The following CRACD variants were observed in gnomAD, a reference collection of about 807,000 sequenced individuals.
CRACD encodes capping protein inhibiting regulator of actin dynamics, also known as capping protein-inhibiting regulator of actin dynamics.
Under a neutral mutation model 106.8 loss-of-function variants are expected in CRACD, and 56 were observed. That is an observed-to-expected ratio of 0.52 (90% confidence interval 0.42 to 0.66). CRACD has a LOEUF of 0.66. Ranked by LOEUF, CRACD falls within the 30% of genes least tolerant of loss-of-function variation. The pLI is 0.00. For missense variants in CRACD, 1,730 were observed against 1,623.2 expected, an observed-to-expected ratio of 1.07 and a Z score of -1.13; for synonymous variants, 754 against 670.8, an observed-to-expected ratio of 1.12 and a Z score of -1.92.
chr4:56,236,989 C>A (rs6813159), intron 2 of CRACD, among the ~76,000 whole-genome samples: 96,473 of 152,020 alleles, frequency 0.63, 30,856 homozygotes, highest in East Asian at 0.86. Flanking sequence ...GTAATTTAGC[C>A]ATGTATATTA....
intron 1 of CRACD, among the ~76,000 whole-genome samples, chr4:56,109,710 A>G (rs1244519902): frequency 2.6e-5 from 4 of 152,108 alleles, no homozygotes; most frequent in Non-Finnish European, 5.9e-5. Context: ...TTAAATATAA[A>G]AACATTAAAA....
intron 1 of CRACD, among the ~76,000 whole-genome samples, chr4:56,172,708 C>T (rs1369746994): frequency 1.3e-5 from 2 of 152,048 alleles, no homozygotes; most frequent in African/African-American, 4.8e-5. Flanking sequence ...ACTGCAACGT[C>T]CACCTCCTGG....
chr4:56,068,966 T>C (rs757870036), intron 1 of CRACD, among the ~76,000 whole-genome samples: 1 of 152,102 alleles, frequency 6.6e-6, no homozygotes, highest in Non-Finnish European at 1.5e-5. Context: ...GAGCCCTAAA[T>C]CCAGTGACTA....
chr4:56,273,729 C>A (rs1052626922), intron 3 of CRACD, among the ~76,000 whole-genome samples: 1 of 152,166 alleles, frequency 6.6e-6, no homozygotes, highest in African/African-American at 2.4e-5. Flanking sequence ...TTGCTTCTGT[C>A]TTCTTCACTT....
chr4:56,263,635 C>T (rs762555866), intron 2 of CRACD, among the ~76,000 whole-genome samples: 13 of 152,294 alleles, frequency 8.5e-5, no homozygotes, highest in Non-Finnish European at 1.6e-4. Flanking sequence ...AACCTAATTA[C>T]CTTTTAAAGA....
intron 3 of CRACD, among the ~76,000 whole-genome samples, chr4:56,294,276 A>G (rs1255805701): frequency 6.6e-6 from 1 of 152,076 alleles, no homozygotes; most frequent in African/African-American, 2.4e-5. Flanking sequence ...AAATAAACTT[A>G]GCAAAGTCTC....
intron 3 of CRACD, among the ~76,000 whole-genome samples, chr4:56,289,065 T>C (rs756096519): frequency 6.6e-6 from 1 of 152,010 alleles, no homozygotes; most frequent in Non-Finnish European, 1.5e-5. Flanking sequence ...GTACCTGAAA[T>C]AGTAAAATTC....
intron 3 of CRACD, among the ~76,000 whole-genome samples, chr4:56,274,806 A>G (rs1257323335): frequency 6.6e-6 from 1 of 152,232 alleles, no homozygotes; most frequent in Non-Finnish European, 1.5e-5. Context: ...AGTATAAAGC[A>G]TTTTACCATA....
Position 56,314,745 on chromosome 4 carries a change from T to C in CRACD, c.1243T>C (p.Trp415Arg), listed in dbSNP as rs555546315. ...GGAGGGCCAGGCGCACCTGGAGGAC[T>C]GGAGGGGGCAGCTCAGTGAGCTTCT... ...EEEGQAHLEDWRGQLSELLND... is the reference protein window; with the variant it reads ...EEEGQAHLEDRRGQLSELLND... Residue 415 changes from tryptophan (W) to arginine (R), a missense_variant, in exon 8 of 11, where the codon TGG becomes CGG. Transcript: ENST00000682029. The surrounding 1 kb of genome is among the most constrained non-coding windows in gnomAD (Gnocchi z 4.4). 22 of 1,584,036 alleles carry C rather than the reference T, an allele frequency of 1.4e-5. 1 individual carries two copies. The highest frequency in any genetic ancestry group is 1.7e-5 in the Non-Finnish European group (20 of 1,166,264).
intron 2 of CRACD, among the ~76,000 whole-genome samples, chr4:56,215,458 A>C (rs1333126705): frequency 6.6e-6 from 1 of 152,270 alleles, no homozygotes; most frequent in African/African-American, 2.4e-5. Flanking sequence ...GGGCAACATA[A>C]ATATTTAATC....
intron 6 of CRACD, chr4:56,311,626 T>G (rs1481701995): frequency 2.6e-5 from 4 of 152,222 alleles, no homozygotes; most frequent in Admixed American, 2.6e-4. Flanking sequence ...TTTCTGTGCT[T>G]CTTGTCATAA....
chr4:56,105,028 T>C (rs1408856709), intron 1 of CRACD, among the ~76,000 whole-genome samples: 1 of 151,584 alleles, frequency 6.6e-6, no homozygotes, highest in African/African-American at 2.4e-5. Flanking sequence ...ACTATTCTGC[T>C]ATAAAATTAA....
At chr4:56,311,792 A>G (rs536019710) in intron 6 of CRACD, among the ~76,000 whole-genome samples, 8 of 152,300 alleles carry the variant, frequency 5.3e-5, no homozygotes, top group African/African-American at 1.9e-4. Context: ...CCCTGGCCAC[A>G]TCGGAGCTGC....
intron 2 of CRACD, among the ~76,000 whole-genome samples, chr4:56,189,886 G>A (rs1035136676): frequency 6.7e-6 from 1 of 149,368 alleles, no homozygotes; most frequent in African/African-American, 2.5e-5. Context: ...AGTTACATAT[G>A]TATACATGTG....
At chr4:56,292,776 G>A (rs761444280) in intron 3 of CRACD, among the ~76,000 whole-genome samples, 50 of 151,952 alleles carry the variant, frequency 3.3e-4, no homozygotes, top group Non-Finnish European at 5.6e-4. Flanking sequence ...CACCTGCCTC[G>A]GCCTCCCAAA....
rs1240562903 is a variant in CRACD at position 56,314,855 on chromosome 4, C to G, written c.1353C>G (p.Cys451Trp). The G allele has an allele frequency of 1.2e-6, 2 of 1,611,724 alleles. No homozygotes were observed. The highest frequency in any genetic ancestry group is 1.7e-6 in the Non-Finnish European group (2 of 1,179,462). Residue 451 changes from cysteine to tryptophan, a missense_variant, in exon 8 of 11, where the codon TGC (cysteine) becomes TGG (tryptophan). By Grantham distance (215) the Cys-to-Trp change is radical. Transcript: ENST00000682029. The surrounding 1 kb of genome is among the most constrained non-coding windows in gnomAD (Gnocchi z 4.4). ...AACACTCCGAGGAGCCAGGTATTTG[C>G]GAGGAGCAGAACCCAGAGGCCGAGC... is the stretch of plus-strand genomic sequence containing the variant. ...QREHSEEPGI[C>W]EEQNPEAERR...
chr4:56,212,375 C>T (rs997150905), intron 2 of CRACD, among the ~76,000 whole-genome samples: 20 of 152,068 alleles, frequency 1.3e-4, no homozygotes, highest in African/African-American at 2.9e-4. Context: ...AAGAAATAAC[C>T]GTAAAAATAG....
At chr4:56,169,389 AAAAGG>A (rs1736271204) in intron 1 of CRACD, among the ~76,000 whole-genome samples, 1 of 152,172 alleles carries the variant, frequency 6.6e-6, no homozygotes, top group Non-Finnish European at 1.5e-5. Flanking sequence ...TAGTACTCTC[AAAAGG>A]AAAGGCTCCT....
chr4:56,076,894 A>C (rs1368015370), intron 1 of CRACD, among the ~76,000 whole-genome samples: 6 of 152,214 alleles, frequency 3.9e-5, no homozygotes, highest in Non-Finnish European at 8.8e-5. Context: ...TCATATAGCT[A>C]ATAACTTGAA....
Sources: gnomAD v4.1 joint callset for allele counts (sites outside exome capture counted in the v4.1 genomes callset) on GRCh38, gnomAD v4.1.1 for gene constraint, Gnocchi (gnomAD v3.1) non-coding constraint, MANE v1.5 for transcripts, NCBI Gene and HGNC (gene_info 2026-07-23, HGNC 2026-07-21) for gene names.